The following XRN1 variants were observed in gnomAD, a reference collection of about 807,000 sequenced individuals.
The protein encoded by XRN1 is strand-exchange protein 1 homolog.
Under a neutral mutation model 222.3 loss-of-function variants are expected in XRN1, and 67 were observed. The ratio of observed to expected loss-of-function variants is 0.30; its 90% CI spans 0.25 to 0.37. The LOEUF is 0.37. XRN1 is among the 10% of genes least tolerant of loss of function. The pLI is 1.00. For synonymous variants in XRN1, 643 were observed against 652.4 expected, an observed-to-expected ratio of 0.99 and a Z score of 0.22; for missense variants, 1,707 against 2,000.2, an observed-to-expected ratio of 0.85 and a Z score of 2.80.
At chr3:142,331,780 CT>C (rs2065703718) in intron 36 of XRN1, among the ~76,000 whole-genome samples, 2 of 151,968 alleles carry the variant, frequency 1.3e-5, no homozygotes, top group African/African-American at 4.8e-5. Flanking sequence ...TATTATTGTT[CT>C]TTTTGTTTTT....
chr3:142,328,217 C>T (rs2065573951), intron 37 of XRN1, among the ~76,000 whole-genome samples: 1 of 152,154 alleles, frequency 6.6e-6, no homozygotes, highest in African/African-American at 2.4e-5. Flanking sequence ...TTCTTCAAGA[C>T]ACACTGTTAG....
chr3:142,347,745 G>C (rs1188069593), intron 32 of XRN1, among the ~76,000 whole-genome samples: 1 of 151,738 alleles, frequency 6.6e-6, no homozygotes, highest in East Asian at 1.9e-4. Context: ...CTACACGTGA[G>C]TACCATCGTG....
intron 21 of XRN1, among the ~76,000 whole-genome samples, chr3:142,384,285 G>GA (rs553677349): frequency 3.8e-4 from 49 of 128,134 alleles, no homozygotes; most frequent in Non-Finnish European, 3.8e-4. Context: ...AAAAAAAAAA[G>GA]AAAAAAAAAA....
At chr3:142,416,155 T>C (rs1223718661) in intron 13 of XRN1, among the ~76,000 whole-genome samples, 3 of 152,154 alleles carry the variant, frequency 2.0e-5, no homozygotes, top group Non-Finnish European at 4.4e-5. Flanking sequence ...AGCCCATTTT[T>C]CAATGATTAT....
At chr3:142,391,101 T>C (rs374383476) in intron 20 of XRN1, among the ~76,000 whole-genome samples, 2 of 152,066 alleles carry the variant, frequency 1.3e-5, no homozygotes, top group East Asian at 3.9e-4. Context: ...AAAATAACAA[T>C]AATAAAGTTT....
chr3:142,432,927 A>G, intron 1 of XRN1, 34 bp from the exon 2 acceptor site: 1 of 1,503,596 alleles, frequency 6.7e-7, no homozygotes, highest in Non-Finnish European at 9.2e-7. Flanking sequence ...GAGATCATTT[A>G]TTTTAATCAA....
intron 9 of XRN1, 35 bp downstream of exon 9, chr3:142,421,441 C>G (rs2069028578): frequency 1.9e-6 from 3 of 1,543,376 alleles, no homozygotes; most frequent in Non-Finnish European, 2.7e-6. Flanking sequence ...TACAGCTACT[C>G]TGCGACAGGA....
chr3:142,324,411 C>T (rs951882056), intron 37 of XRN1, among the ~76,000 whole-genome samples: 5 of 152,038 alleles, frequency 3.3e-5, no homozygotes, highest in Non-Finnish European at 4.4e-5. Flanking sequence ...CATGTCCCTA[C>T]AAAGGACATG....
At chr3:142,410,789 C>T (rs960820677) in intron 15 of XRN1, among the ~76,000 whole-genome samples, 4 of 151,984 alleles carry the variant, frequency 2.6e-5, no homozygotes, top group African/African-American at 7.3e-5. Context: ...CCACCGTGCC[C>T]GGCCTCATGT....
intron 3 of XRN1, among the ~76,000 whole-genome samples, chr3:142,426,098 G>A (rs2069235185): frequency 6.6e-6 from 1 of 152,068 alleles, no homozygotes; most frequent in Non-Finnish European, 1.5e-5. Flanking sequence ...TTGTTAAACT[G>A]AGCAATGTGT....
chr3:142,311,356 G>T lies in XRN1; in HGVS notation c.*155C>A. 1.6e-6 allele frequency: 1 copy of T among 638,286 alleles called. No homozygotes were observed. Among genetic ancestry groups the T allele is most frequent in the Non-Finnish European group, 2.5e-6 (1 of 402,912 alleles). 39.5% of individuals were successfully genotyped at this position (638,286 alleles called of 1,614,324 possible). A position where few individuals can be genotyped will look rare whatever the true frequency, so the allele number is the denominator to read the frequency against. Reference sequence around the variant, plus strand: ...AATTTGATACACAGTCTTTTAAACAGCATGAAAAGTGCCTGATAACTTAAA... The same window carrying T: ...AATTTGATACACAGTCTTTTAAACATCATGAAAAGTGCCTGATAACTTAAA... On this transcript the variant is annotated 3_prime_UTR_variant, in exon 41 of 41. Coordinates refer to ENST00000392981, the MANE Select transcript of XRN1 (RefSeq NM_001282857.2).
chr3:142,316,475 G>C (rs2107857901), intron 39 of XRN1, among the ~76,000 whole-genome samples: 1 of 152,118 alleles, frequency 6.6e-6, no homozygotes, highest in South Asian at 2.1e-4. Context: ...TTTTTTAAAA[G>C]CTTAGTCTTG....
chr3:142,383,930 G>A (rs961892269), intron 21 of XRN1, among the ~76,000 whole-genome samples: 1 of 152,162 alleles, frequency 6.6e-6, no homozygotes, highest in African/African-American at 2.4e-5. Context: ...ATTCAAGGGT[G>A]TAAGTTAATG....
intron 33 of XRN1, among the ~76,000 whole-genome samples, chr3:142,341,626 G>A (rs2065997116): frequency 6.6e-6 from 1 of 152,052 alleles, no homozygotes; most frequent in African/African-American, 2.4e-5. Context: ...AAAAGACATA[G>A]AGTGGCTGAA....
chr3:142,431,899 ATATT>A (rs2069578527), intron 2 of XRN1, among the ~76,000 whole-genome samples: 8 of 32,780 alleles, frequency 2.4e-4, no homozygotes, highest in African/African-American at 6.3e-4. Flanking sequence ...TATAATATAT[ATATT>A]ATATATATAA....
chr3:142,384,754 CAACTATCGTA>C (rs2067431921), intron 20 of XRN1, 69 bp from the exon 21 acceptor site: 1 of 1,221,518 alleles, frequency 8.2e-7, no homozygotes, highest in Non-Finnish European at 1.1e-6. Context: ...CGATAATCGT[CAACTATCGTA>C]AACTATCAAC....
At chr3:142,385,283 T>G (rs1295855733) in intron 20 of XRN1, among the ~76,000 whole-genome samples, 1 of 152,228 alleles carries the variant, frequency 6.6e-6, no homozygotes, top group African/African-American at 2.4e-5. Flanking sequence ...GGAATATTAT[T>G]CAGCCATAAA....
At chr3:142,417,733 C>A (rs1217597120) in intron 12 of XRN1, 1 of 152,126 alleles carries the variant, frequency 6.6e-6, no homozygotes, top group East Asian at 1.9e-4. Flanking sequence ...AAACCAAATG[C>A]CATCTTCTAA....
chr3:142,311,533 C>G lies in XRN1; in HGVS notation c.5063G>C (p.Gly1688Ala), dbSNP rs763729667. The stretch of plus-strand genomic sequence containing the variant: ...AATTTACTCAGAAGGTTTAGAAACA[C>G]CAAAATTAACAGCCAGTTTTCTTGA... ...RKSRKLAVNF[G>A]VSKPSE Residue 1688 changes from glycine (G) to alanine (A), a missense_variant, in exon 41 of 41, where the codon GGT becomes GCT. Physicochemically the swap from Gly to Ala is moderately conservative, Grantham distance 60. Around this residue, in one of 2 missense-constraint regions of XRN1, gnomAD observed 473 missense variants for 482.0 expected, o/e 0.98. Coordinates refer to ENST00000392981, the MANE Select transcript of XRN1 (RefSeq NM_001282857.2). 4 of 1,607,722 alleles carry G rather than the reference C, an allele frequency of 2.5e-6. No individual in the cohort carries two copies. In the South Asian group the frequency reaches 4.4e-5, roughly 18 times the overall value.
Sources: gnomAD v4.1 joint callset for allele counts (sites outside exome capture counted in the v4.1 genomes callset) on GRCh38, gnomAD v4.1.1 for gene constraint, gnomAD v4.1.1 regional missense constraint, MANE v1.5 for transcripts, NCBI Gene and HGNC (gene_info 2026-07-23, HGNC 2026-07-21) for gene names.